The following MYO1E variants were observed in gnomAD, a reference collection of about 807,000 sequenced individuals.
MYO1E encodes the protein unconventional myosin-Ie.
Under a neutral mutation model 151.1 loss-of-function variants are expected in MYO1E, and 68 were observed. That is an observed-to-expected ratio of 0.45 (90% CI 0.37 to 0.55). MYO1E has a LOEUF of 0.55. Ranked by LOEUF, MYO1E falls within the 20% of genes least tolerant of loss-of-function variation. The pLI, the probability that MYO1E is intolerant of heterozygous loss-of-function variation, is 0.00. For missense variants in MYO1E, 1,363 were observed against 1,389.3 expected (o/e 0.98, Z 0.30); for synonymous variants, 601 against 501.7 (o/e 1.20, Z -2.64).
intron 3 of MYO1E, 61 bp from the exon 4 acceptor site, chr15:59,256,439 A>T: frequency 9.7e-7 from 1 of 1,029,324 alleles, no homozygotes; most frequent in Non-Finnish European, 1.4e-6. Flanking sequence ...TAAAAACAAA[A>T]TCATGGTCAG....
At chr15:59,206,996 C>G (rs756417010) in intron 14 of MYO1E, 2 of 1,614,142 alleles carry the variant, frequency 1.2e-6, no homozygotes. Flanking sequence ...TCGGTGGGAG[C>G]GAATTTCCTA....
chr15:59,164,135 C>T, intron 22 of MYO1E, among the ~76,000 whole-genome samples: 1 of 152,136 alleles, frequency 6.6e-6, no homozygotes, highest in East Asian at 1.9e-4. Flanking sequence ...GTTGATGAGA[C>T]AAAGTTCCAT....
intron 1 of MYO1E, among the ~76,000 whole-genome samples, chr15:59,295,952 G>A (rs1295865374): frequency 1.3e-5 from 2 of 152,148 alleles, no homozygotes; most frequent in African/African-American, 4.8e-5. Flanking sequence ...CGCCTACTTA[G>A]ACCTAAAGAG....
chr15:59,357,734 G>A (rs2080863150), intron 1 of MYO1E, among the ~76,000 whole-genome samples: 1 of 152,162 alleles, frequency 6.6e-6, no homozygotes, highest in Non-Finnish European at 1.5e-5. Context: ...ACAGGCGTGA[G>A]CCACCATACC....
chr15:59,324,506 G>A (rs1353891696), intron 1 of MYO1E, among the ~76,000 whole-genome samples: 1 of 152,158 alleles, frequency 6.6e-6, no homozygotes, highest in African/African-American at 2.4e-5. Context: ...GGGGATGCTA[G>A]AGTATCTGGG....
In MYO1E at chr15:59,341,102, A is replaced by G. The variant is rs1287858665; in HGVS notation, c.3+31396T>C. Among the ~76,000 whole-genome samples the G allele has an allele frequency of 2.0e-5, 3 of 152,018 alleles. No homozygotes were observed. In the East Asian group the frequency reaches 5.8e-4, roughly 29 times the overall value. On this transcript the variant is annotated intron_variant, in intron 1 of 27. Coordinates refer to ENST00000288235, the MANE Select transcript of MYO1E (RefSeq NM_004998.4). ...TCATTTTAATTTTTAATTTTTGGGC[A>G]TATATAAGTAGGTGTATATGGATAT... is the stretch of plus-strand genomic sequence containing the variant.
intron 15 of MYO1E, 42 bp from the exon 16 acceptor site, chr15:59,202,449 C>T: frequency 6.4e-7 from 1 of 1,565,822 alleles, no homozygotes; most frequent in African/African-American, 1.4e-5. Flanking sequence ...TCTGTAAGTA[C>T]CTCTGGGGCT....
In MYO1E at chr15:59,216,666, G is replaced by GTGTA. The variant is rs777094542; in HGVS notation, c.1107+1224_1107+1225insTACA. On this transcript the variant is annotated intron_variant, in intron 10 of 27. Coordinates refer to ENST00000288235, the MANE Select transcript of MYO1E (RefSeq NM_004998.4). ...CCAGTGTGTGTGTGTGTGTGTATGT[G>GTGTA]TATATATATATATATATATACACAT... Among the ~76,000 whole-genome samples, 34 of 30,886 alleles carry GTGTA rather than the reference G, an allele frequency of 1.1e-3. 1 individual carries two copies. Among genetic ancestry groups the GTGTA allele is most frequent in the African/African-American group, 2.9e-3 (26 of 9,068 alleles). 20.3% of individuals were successfully genotyped at this position (30,886 alleles called of 152,430 possible). A position where few individuals can be genotyped will look rare whatever the true frequency, so the allele number is the denominator to read the frequency against.
chr15:59,229,137 T>G (rs1411413542), intron 6 of MYO1E, among the ~76,000 whole-genome samples: 1 of 152,170 alleles, frequency 6.6e-6, no homozygotes, highest in African/African-American at 2.4e-5. Flanking sequence ...TGTCCCCCAT[T>G]CCTCAACAGT....
chr15:59,152,347 T>A (rs529542942), intron 26 of MYO1E, among the ~76,000 whole-genome samples: 86 of 152,158 alleles, frequency 5.7e-4, no homozygotes, highest in Non-Finnish European at 1.1e-3. Context: ...CTGATCCTCA[T>A]TTGAAACTTC....
intron 12 of MYO1E, among the ~76,000 whole-genome samples, chr15:59,213,476 T>A (rs1377496174): frequency 6.6e-6 from 1 of 151,486 alleles, no homozygotes; most frequent in Non-Finnish European, 1.5e-5. Flanking sequence ...TGGCTATTAT[T>A]TATTTTTGAG....
chr15:59,372,521 C>T lies in MYO1E; in HGVS notation c.-21G>A, dbSNP rs1021747662. The T allele has an allele frequency of 8.5e-6, 13 of 1,535,486 alleles. No homozygotes were observed. The highest frequency in any genetic ancestry group is 1.1e-5 in the Non-Finnish European group (13 of 1,140,840). On this transcript the variant is annotated 5_prime_UTR_variant, in exon 1 of 28. Transcript: ENST00000288235. ...ACCATGGTGACTCGCGCCGCGGTCG[C>T]GTCTTCGCCGGGTCCCGCTGCCGGG...
At chr15:59,282,160 A>G (rs556731863) in intron 1 of MYO1E, among the ~76,000 whole-genome samples, 2 of 152,198 alleles carry the variant, frequency 1.3e-5, no homozygotes, top group South Asian at 4.1e-4. Flanking sequence ...TCCCAAATGC[A>G]TTTTACTCTG....
Position 59,208,703 on chromosome 15 carries a change from A to T in MYO1E, c.1508T>A (p.Ile503Asn), listed in dbSNP as rs1164606928. Residue 503 changes from isoleucine (I) to asparagine (N), a missense_variant, in exon 14 of 28, where the codon ATC (isoleucine) becomes AAC (asparagine). Ile to Asn is a moderately radical substitution (Grantham distance 149). Coordinates refer to ENST00000288235, the MANE Select transcript of MYO1E (RefSeq NM_004998.4). Reference sequence around the variant, plus strand: ...TACCTTCCCAGCATAATGATGAATGATGAAGCCTTGGTTCCAACTGTTGAA... The same window carrying T: ...TACCTTCCCAGCATAATGATGAATGTTGAAGCCTTGGTTCCAACTGTTGAA... The part of the protein sequence containing the change: ...EHFNSWNQGF[I>N]IHHYAGKVSY... The T allele has an allele frequency of 1.2e-6, 2 of 1,614,242 alleles. No homozygotes were observed. The highest frequency in any genetic ancestry group is 1.7e-6 in the Non-Finnish European group (2 of 1,180,032).
chr15:59,188,563 G>T (rs984223165), intron 17 of MYO1E, among the ~76,000 whole-genome samples: 3 of 152,084 alleles, frequency 2.0e-5, no homozygotes, highest in Admixed American at 2.0e-4. Context: ...AGGCATGGTG[G>T]CACGCACCTG....
At chr15:59,252,652 T>C (rs1458576583) in intron 4 of MYO1E, among the ~76,000 whole-genome samples, 13 of 151,076 alleles carry the variant, frequency 8.6e-5, no homozygotes, top group Non-Finnish European at 1.8e-4. Context: ...GAGGCGGAGG[T>C]TGCAATGAGC....
At chr15:59,251,817 C>T (rs2080166575) in intron 4 of MYO1E, among the ~76,000 whole-genome samples, 1 of 152,070 alleles carries the variant, frequency 6.6e-6, no homozygotes, top group African/African-American at 2.4e-5. Context: ...ATAAATGAAC[C>T]CAACTGTAGG....
chr15:59,337,852 G>A (rs8038057), intron 1 of MYO1E, among the ~76,000 whole-genome samples: 4,288 of 152,050 alleles, frequency 0.028, 198 homozygotes, highest in African/African-American at 0.094. Flanking sequence ...AAAAAATCTC[G>A]CTCACAGAGT....
chr15:59,207,541 G>C, intron 14 of MYO1E: 5 of 1,614,040 alleles, frequency 3.1e-6, no homozygotes, highest in Non-Finnish European at 4.2e-6. Flanking sequence ...GAAGTTGAGT[G>C]CATTTCCCAA....
Sources: gnomAD v4.1 joint callset for allele counts (sites outside exome capture counted in the v4.1 genomes callset) on GRCh38, gnomAD v4.1.1 for gene constraint, MANE v1.5 for transcripts, NCBI Gene and HGNC (gene_info 2026-07-23, HGNC 2026-07-21) for gene names.